The following CCDC167 variants were observed in gnomAD, a reference collection of about 807,000 sequenced individuals.
The protein encoded by CCDC167 is coiled-coil domain-containing protein 167.
A neutral mutation model predicts 12.7 loss-of-function variants in CCDC167; 15 were observed. The observed-to-expected ratio is 1.18, with a 90% CI of 0.79 to 1.81. The LOEUF is 1.81. CCDC167 is among the 40% of genes most tolerant of loss of function. The probability of loss-of-function intolerance (pLI) is 0.00; values close to 1 mark genes in which losing one functional copy is unlikely to be tolerated. For missense variants in CCDC167, 121 were observed against 120.1 expected, an observed-to-expected ratio of 1.01 and a Z score of -0.03; for synonymous variants, 52 against 49.0, an observed-to-expected ratio of 1.06 and a Z score of -0.26.
At chr6:37,488,937 G>A (rs972401726) in intron 1 of CCDC167, among the ~76,000 whole-genome samples, 1 of 152,156 alleles carries the variant, frequency 6.6e-6, no homozygotes, top group Non-Finnish European at 1.5e-5. Flanking sequence ...GTAAGAGAAG[G>A]TGATAGAAGC....
chr6:37,494,040 T>C (rs2113909082), intron 1 of CCDC167, among the ~76,000 whole-genome samples: 1 of 149,030 alleles, frequency 6.7e-6, no homozygotes, highest in Middle Eastern at 3.6e-3. Context: ...CCACTTCTCA[T>C]GGTCAGTGAT....
intron 1 of CCDC167, among the ~76,000 whole-genome samples, chr6:37,499,201 G>A (rs1454167130): frequency 1.3e-5 from 2 of 152,224 alleles, no homozygotes; most frequent in Admixed American, 1.3e-4. Context: ...AATGAAAGTA[G>A]CACATAGCGG....
intron 3 of CCDC167, 141 bp downstream of exon 3, chr6:37,484,669 G>T: frequency 1.1e-6 from 1 of 891,226 alleles, no homozygotes; most frequent in Non-Finnish European, 1.8e-6. Flanking sequence ...CCTAGCAGGG[G>T]TGTCTGCAGC....
chr6:37,487,770 G>A (rs1413440076), intron 1 of CCDC167, among the ~76,000 whole-genome samples: 1 of 152,240 alleles, frequency 6.6e-6, no homozygotes, highest in African/African-American at 2.4e-5. Flanking sequence ...CATGCTCTGG[G>A]CAGAGCCTGC....
At chr6:37,496,152 G>A (rs1318223945) in intron 1 of CCDC167, among the ~76,000 whole-genome samples, 2 of 152,154 alleles carry the variant, frequency 1.3e-5, no homozygotes, top group Non-Finnish European at 2.9e-5. Flanking sequence ...GTAAAAATCC[G>A]GCCGAGTGTG....
At chr6:37,492,779 C>T (rs940071291) in intron 1 of CCDC167, among the ~76,000 whole-genome samples, 2 of 152,190 alleles carry the variant, frequency 1.3e-5, no homozygotes, top group African/African-American at 2.4e-5. Context: ...ATGGGTAAAG[C>T]AGCCAAGTGC....
At chr6:37,492,089 C>A (rs891538493) in intron 1 of CCDC167, among the ~76,000 whole-genome samples, 9 of 152,218 alleles carry the variant, frequency 5.9e-5, no homozygotes, top group South Asian at 4.1e-4. Flanking sequence ...CTCCATCTTA[C>A]AGAGGTGCAA....
chr6:37,487,695 C>T (rs1217793469), intron 1 of CCDC167, among the ~76,000 whole-genome samples: 1 of 152,202 alleles, frequency 6.6e-6, no homozygotes, highest in Non-Finnish European at 1.5e-5. Flanking sequence ...GCCAGGAACT[C>T]ATGCTAAGCA....
intron 1 of CCDC167, among the ~76,000 whole-genome samples, chr6:37,498,270 G>A (rs1003098938): frequency 3.9e-5 from 6 of 152,010 alleles, no homozygotes; most frequent in African/African-American, 1.4e-4. Context: ...TAGCCTGTTA[G>A]AAAAAAACTC....
rs141021021 is a variant in CCDC167 at position 37,495,134 on chromosome 6, C to T, written c.42+4688G>A. The stretch of plus-strand genomic sequence containing the variant: ...TTCTATAAGGGGAAAAGTCTACTCC[C>T]ATTTGCTTAAATCATTGAGGTCAGT... On this transcript the variant is annotated intron_variant, in intron 1 of 3. Coordinates refer to ENST00000373408, the MANE Select transcript of CCDC167 (RefSeq NM_138493.3). Among the ~76,000 whole-genome samples the T allele has an allele frequency of 1.1e-3, 170 of 152,282 alleles. 1 individual carries two copies. The highest frequency in any genetic ancestry group is 3.7e-3 in the African/African-American group (154 of 41,550).
At chr6:37,485,215 A>G (rs1220041656) in intron 1 of CCDC167, 21 bp from the exon 2 acceptor site, 4 of 1,589,548 alleles carry the variant, frequency 2.5e-6, no homozygotes, top group Non-Finnish European at 3.4e-6. Context: ...GGCCACAGAG[A>G]GGTGGGCTGC....
intron 1 of CCDC167, among the ~76,000 whole-genome samples, chr6:37,485,439 T>C (rs1256895353): frequency 6.6e-6 from 1 of 152,244 alleles, no homozygotes; most frequent in African/African-American, 2.4e-5. Context: ...GTAGTGGGTG[T>C]TGCCCAGGGT....
intron 1 of CCDC167, 31 bp from the exon 2 acceptor site, chr6:37,485,225 C>T: frequency 6.5e-7 from 1 of 1,550,012 alleles, no homozygotes; most frequent in Non-Finnish European, 8.9e-7. Flanking sequence ...AGGTGGGCTG[C>T]CGAGGCTTCT....
chr6:37,485,113 T>C lies in CCDC167; in HGVS notation c.124A>G (p.Ser42Gly). 6.2e-7 allele frequency: 1 copy of C among 1,612,650 alleles called. No homozygotes were observed. Among genetic ancestry groups the C allele is most frequent in the Non-Finnish European group, 8.5e-7 (1 of 1,179,904 alleles). ...VNSRLHSREL[S>G]PEARRSLEKE... The stretch of plus-strand genomic sequence containing the variant: ...CAGGAGCATTACCTGGCCTCTGGGC[T>C]CAGCTCCCGGCTGTGGAGTCTGGAG... Residue 42 changes from serine to glycine, a missense_variant, in exon 2 of 4, where the codon AGC (serine) becomes GGC (glycine). Ser to Gly is a moderately conservative substitution (Grantham distance 56). Coordinates refer to ENST00000373408, the MANE Select transcript of CCDC167 (RefSeq NM_138493.3).
intron 1 of CCDC167, among the ~76,000 whole-genome samples, chr6:37,487,780 C>T (rs542710928): frequency 2.6e-5 from 4 of 152,342 alleles, no homozygotes; most frequent in Admixed American, 1.3e-4. Flanking sequence ...GCAGAGCCTG[C>T]GGAGCTGGCA....
chr6:37,483,430 T>C (rs1761897497), intron 3 of CCDC167, 141 bp from the exon 4 acceptor site: 1 of 627,792 alleles, frequency 1.6e-6, no homozygotes, highest in Non-Finnish European at 2.9e-6. Flanking sequence ...AAAATGACTC[T>C]GCCCTTCTTA....
intron 3 of CCDC167, 130 bp downstream of exon 3, chr6:37,484,680 C>T (rs1761918290): frequency 2.0e-6 from 2 of 1,024,742 alleles, no homozygotes; most frequent in Non-Finnish European, 3.0e-6. Flanking sequence ...TGTCTGCAGC[C>T]TCTGGGGGCT....
At position 37,483,913 on chromosome 6, in the gene CCDC167, C is replaced by G. The variant is rs368757323; in HGVS notation, c.191-624G>C. ...CAAAGTATCCCCTCCAGGTGACACG[C>G]AGGTAGGGGGTACTCTGTGAGGGCT... On this transcript the variant is annotated intron_variant, in intron 3 of 3. Transcript: ENST00000373408. Among the ~76,000 whole-genome samples the G allele has an allele frequency of 2.6e-5, 4 of 152,316 alleles. No individual in the cohort carries two copies. In the East Asian group the frequency reaches 7.7e-4, roughly 29 times the overall value.
intron 1 of CCDC167, among the ~76,000 whole-genome samples, chr6:37,487,496 A>T (rs915358149): frequency 1.3e-5 from 2 of 152,238 alleles, no homozygotes; most frequent in Non-Finnish European, 2.9e-5. Context: ...ACATGCACAT[A>T]AATTGTACGC....
Sources: allele counts gnomAD v4.1 joint callset (sites outside exome capture counted in the v4.1 genomes callset), GRCh38; gene constraint gnomAD v4.1.1; transcripts MANE v1.5; gene names NCBI Gene and HGNC (gene_info 2026-07-23, HGNC 2026-07-21).